The following RFX7 variants were observed in gnomAD, a reference collection of about 807,000 sequenced individuals.
RFX7 encodes regulatory factor X7.
In RFX7, 26 loss-of-function variants were observed where a neutral mutation model predicts 111.8. The observed-to-expected ratio is 0.23, with a 90% CI of 0.17 to 0.32. RFX7 has a LOEUF of 0.32. Ranked by LOEUF, RFX7 falls within the 10% of genes least tolerant of loss-of-function variation. The pLI, the probability that RFX7 is intolerant of heterozygous loss-of-function variation, is 1.00. For synonymous variants in RFX7, 624 were observed against 624.4 expected (o/e 1.00, Z 0.01); for missense variants, 1,573 against 1,772.9 (o/e 0.89, Z 2.02).
chr15:56,122,383 G>A (rs1253329568), intron 5 of RFX7, among the ~76,000 whole-genome samples: 2 of 152,172 alleles, frequency 1.3e-5, no homozygotes, highest in African/African-American at 4.8e-5. Context: ...AACAAATGGA[G>A]TCTCTCCCTC....
At chr15:56,232,250 A>G (rs1445908933) in intron 2 of RFX7, among the ~76,000 whole-genome samples, 1 of 152,156 alleles carries the variant, frequency 6.6e-6, no homozygotes, top group African/African-American at 2.4e-5. Context: ...CAGAGGTTTC[A>G]TGAGGGCTCC....
intron 3 of RFX7, among the ~76,000 whole-genome samples, chr15:56,154,837 G>T (rs2042628959): frequency 6.6e-6 from 1 of 152,162 alleles, no homozygotes; most frequent in African/African-American, 2.4e-5. Flanking sequence ...TCATCAGAGT[G>T]AACAGGCAAC....
rs903201311 is a variant in RFX7, at chr15:56,240,090, A to G, written c.161+3035T>C. 3.0e-5 allele frequency among the ~76,000 whole-genome samples: 4 copies of G among 133,878 alleles called. No homozygotes were observed. In the Admixed American group the frequency reaches 3.2e-4, roughly 11 times the overall value. The allele number at this position is 133,878 out of a possible 152,430, so 87.8% of individuals were successfully genotyped here. The stretch of plus-strand genomic sequence containing the variant: ...GTGGCCTTGTTTTAGGTAAAAATAC[A>G]TGGGTTACTAGTTTTCTTTTTTTTT... On this transcript the variant is annotated intron_variant, in intron 2 of 9. Coordinates refer to ENST00000559447, the MANE Select transcript of RFX7 (RefSeq NM_022841.7).
chr15:56,152,306 A>C (rs1027887339), intron 3 of RFX7, among the ~76,000 whole-genome samples: 1 of 152,200 alleles, frequency 6.6e-6, no homozygotes, highest in Non-Finnish European at 1.5e-5. Context: ...ATTGGAAGTA[A>C]AACACTCCTC....
Position 56,101,550 on chromosome 15 carries a change from G to A in RFX7, c.620C>T (p.Pro207Leu). 6.2e-7 allele frequency: 1 copy of A among 1,613,586 alleles called. No individual in the cohort carries two copies. The highest frequency in any genetic ancestry group is 1.3e-5 in the African/African-American group (1 of 74,994). ...KTGDGLEGAE[P>L]SGQLQNIDEE... ...ATCAATATTTTGAAGCTGCCCAGAA[G>A]GTTCAGCTCCTTCCAACTAGGCAAA... The change falls in exon 8 of 10, where the codon CCT (proline) becomes CTT (leucine). Residue 207 changes from proline to leucine, a missense_variant. Physicochemically the swap from Pro to Leu is moderately conservative, Grantham distance 98 (BLOSUM62 -3). Coordinates refer to ENST00000559447, the MANE Select transcript of RFX7 (RefSeq NM_022841.7).
intron 5 of RFX7, among the ~76,000 whole-genome samples, chr15:56,110,238 C>T (rs1595931703): frequency 9.3e-6 from 1 of 107,692 alleles, no homozygotes; most frequent in African/African-American, 3.3e-5. Context: ...CCCCTCTGCC[C>T]GGCCAGCCGC....
intron 5 of RFX7, among the ~76,000 whole-genome samples, chr15:56,135,406 A>T (rs1484968361): frequency 6.6e-5 from 10 of 152,158 alleles, no homozygotes; most frequent in Non-Finnish European, 1.5e-4. Context: ...GGCTGCATAA[A>T]TGTCTTCTTT....
intron 2 of RFX7, among the ~76,000 whole-genome samples, chr15:56,238,865 T>C (rs955444666): frequency 6.6e-6 from 1 of 152,174 alleles, no homozygotes; most frequent in African/African-American, 2.4e-5. Flanking sequence ...ACCAGAGTCC[T>C]GCTCTGTCGC....
chr15:56,216,265 TG>T (rs1206846383), intron 2 of RFX7, among the ~76,000 whole-genome samples: 4 of 152,210 alleles, frequency 2.6e-5, no homozygotes, highest in Admixed American at 2.6e-4. Flanking sequence ...TACAAAACTA[TG>T]GTGATTTGGT....
chr15:56,125,487 G>A (rs990419938), intron 5 of RFX7, among the ~76,000 whole-genome samples: 40 of 151,998 alleles, frequency 2.6e-4, no homozygotes, highest in African/African-American at 9.4e-4. Flanking sequence ...CTATGAGCAT[G>A]GGATGTCTTT....
intron 5 of RFX7, among the ~76,000 whole-genome samples, chr15:56,139,657 G>A (rs1299535250): frequency 1.3e-5 from 2 of 152,220 alleles, no homozygotes; most frequent in African/African-American, 2.4e-5. Context: ...CGTTGCTGGT[G>A]AGGAACTGCG....
intron 3 of RFX7, among the ~76,000 whole-genome samples, chr15:56,148,109 C>A (rs796924836): frequency 6.6e-6 from 1 of 152,162 alleles, no homozygotes; most frequent in East Asian, 1.9e-4. Flanking sequence ...AGTTGAAGAT[C>A]TTGCCTGAAA....
chr15:56,093,853 A>G lies in RFX7; in HGVS notation c.3875T>C (p.Val1292Ala), dbSNP rs542184585. The G allele has an allele frequency of 1.2e-6, 2 of 1,613,954 alleles. No homozygotes were observed. Among genetic ancestry groups the G allele is most frequent in the Admixed American group, 3.3e-5 (2 of 60,010 alleles). Residue 1292 changes from valine (V) to alanine (A), a missense_variant, in exon 10 of 10, where the codon GTT becomes GCT. Coordinates refer to ENST00000559447, the MANE Select transcript of RFX7 (RefSeq NM_022841.7). ...NLTQILEPST[V>A]FPSANPQNMI... ...ATTTTGTGGGTTGGCACTAGGAAAA[A>G]CAGTGGAAGGTTCCAAAATCTGAGT...
At chr15:56,164,978 A>G (rs1010223991) in intron 3 of RFX7, among the ~76,000 whole-genome samples, 16 of 152,134 alleles carry the variant, frequency 1.1e-4, no homozygotes, top group African/African-American at 3.6e-4. Context: ...ACAGAAGACA[A>G]TTTTTCCATG....
chr15:56,142,901 C>G lies in RFX7; in HGVS notation c.279-1G>C, dbSNP rs1308762695. 6.2e-7 allele frequency: 1 copy of G among 1,612,894 alleles called. No homozygotes were observed. ...ACTAGATGACATGGCATTCTGATCA[C>G]TAATAGAATGAAAACATGTTTTAGC... On this transcript the variant is annotated splice_acceptor_variant, in intron 4 of 9. Coordinates refer to ENST00000559447, the MANE Select transcript of RFX7 (RefSeq NM_022841.7). LOFTEE classifies it high-confidence loss of function.
At chr15:56,128,026 A>T (rs2042167515) in intron 5 of RFX7, among the ~76,000 whole-genome samples, 1 of 152,210 alleles carries the variant, frequency 6.6e-6, no homozygotes. Context: ...ATTGGATAAT[A>T]TACATGAAAG....
At position 56,101,528 on chromosome 15, in the gene RFX7, A is replaced by G; in HGVS notation, c.642T>C (p.Ile214=). ...GAEPSGQLQN[I]DEEVISSACR... ...AAGCAGAAGAGATAACTTCTTCATC[A>G]ATATTTTGAAGCTGCCCAGAAGGTT... Residue 214 remains isoleucine (I), a synonymous_variant, in exon 8 of 10, where the codon ATT becomes ATC. Transcript: ENST00000559447. 1 of 1,613,808 alleles carries G rather than the reference A, an allele frequency of 6.2e-7. No individual in the cohort carries two copies. The highest frequency in any genetic ancestry group is 8.5e-7 in the Non-Finnish European group (1 of 1,179,788).
At chr15:56,105,314 A>C (rs1302685049) in intron 5 of RFX7, among the ~76,000 whole-genome samples, 5 of 152,116 alleles carry the variant, frequency 3.3e-5, no homozygotes, top group Non-Finnish European at 7.4e-5. Context: ...CACAATAGTT[A>C]ATTTATTTGT....
At chr15:56,109,652 T>C (rs62044080) in intron 5 of RFX7, among the ~76,000 whole-genome samples, 89,798 of 148,630 alleles carry the variant, frequency 0.6, 27,058 homozygotes, top group East Asian at 0.86. Context: ...AGCGTCTCTG[T>C]CCGGCCGCCC....
Sources: gnomAD v4.1 joint callset for allele counts (sites outside exome capture counted in the v4.1 genomes callset) on GRCh38, gnomAD v4.1.1 for gene constraint, MANE v1.5 for transcripts, NCBI Gene and HGNC (gene_info 2026-07-23, HGNC 2026-07-21) for gene names.